PECAM1: variants seen among roughly 807,000 people sequenced by gnomAD.
The protein encoded by PECAM1 is platelet endothelial cell adhesion molecule.
In PECAM1, 8 loss-of-function variants were observed where a neutral mutation model predicts 13.8. That is an observed-to-expected ratio of 0.58 (90% CI 0.34 to 1.05). PECAM1 has a LOEUF of 1.05. PECAM1 is among the 50% of genes least tolerant of loss of function. The pLI, the probability that PECAM1 is intolerant of heterozygous loss-of-function variation, is 0.03. For synonymous variants in PECAM1, 136 were observed against 52.6 expected (o/e 2.58, Z -6.86); for missense variants, 304 against 141.2 (o/e 2.15, Z -5.84).
At chr17:64,348,488 A>C in intron 12 of PECAM1, among the ~76,000 whole-genome samples, 166 bp from the exon 13 acceptor site, 1 of 149,696 alleles carries the variant, frequency 6.7e-6, no homozygotes, top group Middle Eastern at 3.4e-3. Flanking sequence ...GCTCACTGCA[A>C]CCTCCACCTC....
Position 64,321,738 on chromosome 17 carries a change from G to T in PECAM1, c.*2078C>A. On this transcript the variant is annotated 3_prime_UTR_variant, in exon 16 of 16. Transcript: ENST00000563924. ...GTTGTGCCACTGCACTCCAGCCTGG[G>T]CAACAGAGCAAGCCCCTGTCTCAAC... 8.4e-7 allele frequency: 1 copy of T among 1,191,460 alleles called. No individual in the cohort carries two copies. The allele number at this position is 1,191,460 out of a possible 1,614,324, so 73.8% of individuals were successfully genotyped here.
chr17:64,350,262 G>A, intron 12 of PECAM1, 118 bp downstream of exon 12: 1 of 391,190 alleles, frequency 2.6e-6, no homozygotes. Context: ...TGGGTACAGG[G>A]TCATTAAGAG....
In PECAM1 at chr17:64,335,219, G is replaced by A. The variant is rs928785087; in HGVS notation, c.2165-5497C>T. Among the ~76,000 whole-genome samples the A allele has an allele frequency of 2.9e-4, 44 of 152,118 alleles. 1 individual carries two copies. Among genetic ancestry groups the A allele is most frequent in the Non-Finnish European group, 1.3e-4 (9 of 68,022 alleles). ...AGAGAAGGTGACCAAGGTCTTGAGA[G>A]GCTCTATGACTTGCCCAGGGTCACC... On this transcript the variant is annotated intron_variant, in intron 14 of 15. Transcript: ENST00000563924.
At chr17:64,336,696 G>C (rs1360753296) in intron 14 of PECAM1, among the ~76,000 whole-genome samples, 3 of 151,958 alleles carry the variant, frequency 2.0e-5, no homozygotes, top group Non-Finnish European at 2.9e-5. Flanking sequence ...AATAGCCTGG[G>C]CAACATGGCG....
At chr17:64,390,167 G>A (rs2036685559) in intron 2 of PECAM1, 1 of 336,768 alleles carries the variant, frequency 3.0e-6, no homozygotes, top group Admixed American at 4.8e-5. Flanking sequence ...TTTTAGACTA[G>A]TCAAGAGTAG....
At chr17:64,367,703 T>C in intron 5 of PECAM1, among the ~76,000 whole-genome samples, 2 of 152,312 alleles carry the variant, frequency 1.3e-5, no homozygotes, top group African/African-American at 4.8e-5. Context: ...TAGACTGGTC[T>C]AGTTATGTCT....
intron 13 of PECAM1, among the ~76,000 whole-genome samples, chr17:64,342,601 G>C (rs1282193195): frequency 6.6e-6 from 1 of 152,010 alleles, no homozygotes; most frequent in Non-Finnish European, 1.5e-5. Context: ...GGTCTGGGGG[G>C]GTCCCTGGTG....
At chr17:64,353,937 T>C in intron 9 of PECAM1, among the ~76,000 whole-genome samples, 1 of 105,222 alleles carries the variant, frequency 9.5e-6, no homozygotes, top group Non-Finnish European at 2.1e-5. Context: ...TTCCTCTCTC[T>C]CTCTTTTTTT....
At chr17:64,342,805 T>C (rs2035468046) in intron 13 of PECAM1, among the ~76,000 whole-genome samples, 1 of 151,994 alleles carries the variant, frequency 6.6e-6, no homozygotes, top group Non-Finnish European at 1.5e-5. Context: ...TATACAAAAA[T>C]ACACACACAG....
intron 9 of PECAM1, 40 bp downstream of exon 9, chr17:64,354,893 A>C (rs1269585756): frequency 2.1e-6 from 1 of 474,658 alleles, no homozygotes; most frequent in Non-Finnish European, 3.9e-6. Context: ...TTTCCTGGCA[A>C]GGACGACCAG....
intron 7 of PECAM1, among the ~76,000 whole-genome samples, chr17:64,359,691 A>T (rs1200302644): frequency 1.3e-5 from 2 of 151,466 alleles, no homozygotes; most frequent in Non-Finnish European, 1.5e-5. Flanking sequence ...TCCTTTACTG[A>T]ACCTTGGCCC....
intron 13 of PECAM1, among the ~76,000 whole-genome samples, chr17:64,345,746 C>T (rs996286224): frequency 1.3e-5 from 2 of 150,042 alleles, no homozygotes; most frequent in African/African-American, 4.9e-5. Flanking sequence ...AGGAAGAGAG[C>T]TTCAGGCCTG....
intron 3 of PECAM1, among the ~76,000 whole-genome samples, chr17:64,376,854 T>C (rs1009459157): frequency 9.2e-5 from 14 of 152,112 alleles, no homozygotes; most frequent in Non-Finnish European, 1.6e-4. Context: ...CGCGTGCCTG[T>C]AATCCCAGTT....
rs1180611936 is a variant in PECAM1 at position 64,323,086 on chromosome 17, G to T, written c.*730C>A. ...CAATTAAGAATAATATTTGCTGATG[G>T]CACCATCTTCCTGTCTTTCAGCCTT... is the stretch of plus-strand genomic sequence containing the variant. On this transcript the variant is annotated 3_prime_UTR_variant, in exon 16 of 16. Coordinates refer to ENST00000563924, the MANE Select transcript of PECAM1 (RefSeq NM_000442.5). 1 of 983,724 alleles carries T rather than the reference G, an allele frequency of 1.0e-6. No homozygotes were observed. Among genetic ancestry groups the T allele is most frequent in the African/African-American group, 1.7e-5 (1 of 57,204 alleles). 60.9% of individuals were successfully genotyped at this position (983,724 alleles called of 1,614,324 possible). A position where few individuals can be genotyped will look rare whatever the true frequency, so the allele number is the denominator to read the frequency against.
chr17:64,328,861 C>T (rs754028238), intron 15 of PECAM1, among the ~76,000 whole-genome samples: 6 of 152,180 alleles, frequency 3.9e-5, no homozygotes, highest in African/African-American at 1.2e-4. Flanking sequence ...TTGGAAGACA[C>T]GTCTTTGCAA....
In PECAM1 at chr17:64,369,923, T is replaced by C; in HGVS notation, c.794A>G (p.Gln265Arg). The C allele has an allele frequency of 2.5e-6, 1 of 398,696 alleles. No individual in the cohort carries two copies. The highest frequency in any genetic ancestry group is 4.4e-6 in the Non-Finnish European group (1 of 226,144). The allele number at this position is 398,696 out of a possible 1,614,324, so 24.7% of individuals were successfully genotyped here. The change falls in exon 5 of 16, where the codon CAG becomes CGG. Residue 265 changes from glutamine (Q) to arginine (R), a missense_variant. Coordinates refer to ENST00000563924, the MANE Select transcript of PECAM1 (RefSeq NM_000442.5). ...CTGAATTATGATTTCTGGAAACTCC[T>C]GGGCCAGGTGAGTCACTTGAATGGT... ...KCTIQVTHLA[Q>R]EFPEIIIQKD...
Position 64,375,053 on chromosome 17 carries a change from G to C in PECAM1, c.689C>G (p.Thr230Arg). ...ESTKSELVTV[T>R]ESFSTPKFHI... Reference sequence around the variant, plus strand: ...GAGGAAGGGAGCAGGATGCTGACCCGTCACGGTGACCAGTTCACTCTTGGT... The same window carrying C: ...GAGGAAGGGAGCAGGATGCTGACCCCTCACGGTGACCAGTTCACTCTTGGT... Residue 230 changes from threonine (T) to arginine (R), a missense_variant and splice_region_variant, in exon 4 of 16, where the codon ACG becomes AGG. Transcript: ENST00000563924. 2.1e-6 allele frequency: 1 copy of C among 475,244 alleles called. No homozygotes were observed. The allele number at this position is 475,244 out of a possible 1,614,324, so 29.4% of individuals were successfully genotyped here.
intron 14 of PECAM1, among the ~76,000 whole-genome samples, chr17:64,336,124 G>C (rs1261079438): frequency 6.6e-6 from 1 of 151,996 alleles, no homozygotes; most frequent in African/African-American, 2.4e-5. Flanking sequence ...AAAATTACCC[G>C]GGCGTGGTGG....
chr17:64,366,121 T>A (rs2036098691), intron 5 of PECAM1, among the ~76,000 whole-genome samples: 1 of 140,032 alleles, frequency 7.1e-6, no homozygotes, highest in Non-Finnish European at 1.6e-5. Flanking sequence ...TCAAACAAAT[T>A]TACAAGAAAA....
Sources: gnomAD v4.1 joint callset for allele counts (sites outside exome capture counted in the v4.1 genomes callset) on GRCh38, gnomAD v4.1.1 for gene constraint, MANE v1.5 for transcripts, NCBI Gene and HGNC (gene_info 2026-07-23, HGNC 2026-07-21) for gene names.